Variants in SLC18B1 observed in about 807,000 individuals in gnomAD.
SLC18B1 encodes MFS-type transporter SLC18B1.
In SLC18B1, 62 loss-of-function variants were observed where a neutral mutation model predicts 53.9. The ratio of observed to expected loss-of-function variants is 1.15; its 90% confidence interval spans 0.94 to 1.42. SLC18B1 has a LOEUF of 1.42. Ranked by LOEUF, SLC18B1 falls within the 40% of genes most tolerant of loss-of-function variation. SLC18B1 has a pLI of 0.00. For synonymous variants in SLC18B1, 217 were observed against 200.9 expected (o/e 1.08, Z -0.68); for missense variants, 598 against 547.3 (o/e 1.09, Z -0.93).
At chr6:132,792,260 A>AG (rs1246895581) in intron 2 of SLC18B1, among the ~76,000 whole-genome samples, 35 of 39,166 alleles carry the variant, frequency 8.9e-4, no homozygotes, top group Non-Finnish European at 1.3e-3. Flanking sequence ...AGAAAGAAAG[A>AG]AAGAAAGAAA....
At chr6:132,782,106 T>C (rs1243084684) in intron 6 of SLC18B1, among the ~76,000 whole-genome samples, 1 of 151,374 alleles carries the variant, frequency 6.6e-6, no homozygotes, top group East Asian at 1.9e-4. Flanking sequence ...GAGAATTGCT[T>C]GATCCTGGGA....
chr6:132,782,926 C>T (rs939508819), intron 6 of SLC18B1, among the ~76,000 whole-genome samples: 2 of 151,786 alleles, frequency 1.3e-5, no homozygotes, highest in Admixed American at 1.3e-4. Flanking sequence ...AGGTACATAC[C>T]ACCATGCCTG....
intron 2 of SLC18B1, among the ~76,000 whole-genome samples, chr6:132,795,169 GA>G (rs11303053): frequency 0.19 from 27,151 of 144,226 alleles, 3,171 homozygotes; most frequent in African/African-American, 0.35. Context: ...TTTAAAAAAA[GA>G]AAAAAAAAAA....
intron 1 of SLC18B1, among the ~76,000 whole-genome samples, chr6:132,798,092 A>AT (rs1323262779): frequency 6.6e-6 from 1 of 152,266 alleles, no homozygotes; most frequent in East Asian, 1.9e-4. Context: ...AGTTAAAAAG[A>AT]AAGGCAACAA....
chr6:132,775,568 T>C (rs1245316731), intron 8 of SLC18B1, among the ~76,000 whole-genome samples: 1 of 152,194 alleles, frequency 6.6e-6, no homozygotes, highest in Non-Finnish European at 1.5e-5. Flanking sequence ...TCAAGGGAAA[T>C]GCAAAATATA....
In SLC18B1 at chr6:132,797,049, G is replaced by C. The variant is rs1427617833; in HGVS notation, c.116C>G (p.Ser39Trp). ...LSREQVFVLI[S>W]AASVNLGSMM... ...GGAACCTAAGTTCACCGAAGCTGCC[G>C]ATATCAGTACAAAAACCTGTTCTCT... Residue 39 changes from serine (S) to tryptophan (W), a missense_variant, in exon 2 of 14, where the codon TCG (serine) becomes TGG (tryptophan). Transcript: ENST00000275227. 1.9e-6 allele frequency: 3 copies of C among 1,613,998 alleles called. No homozygotes were observed. The highest frequency in any genetic ancestry group is 2.5e-6 in the Non-Finnish European group (3 of 1,180,020).
intron 5 of SLC18B1, among the ~76,000 whole-genome samples, chr6:132,785,923 A>G (rs994734310): frequency 1.3e-3 from 194 of 151,468 alleles, no homozygotes; most frequent in African/African-American, 4.6e-3. Context: ...AAAAGAAAGA[A>G]AAAAAGAAAA....
rs763126727 is a variant in SLC18B1 at position 132,772,123 on chromosome 6, A to T, written c.1160+9T>A. 1 of 1,544,774 alleles carries T rather than the reference A, an allele frequency of 6.5e-7. No homozygotes were observed. Among genetic ancestry groups the T allele is most frequent in the Admixed American group, 2.1e-5 (1 of 46,946 alleles). ...AAAAAAAAAAGAAAGAAATTAAATG[A>T]CTACTCACCCAATTGACCACATTGC... On this transcript the variant is annotated intron_variant, in intron 11 of 13. Coordinates refer to ENST00000275227, the MANE Select transcript of SLC18B1 (RefSeq NM_052831.3).
At chr6:132,787,030 G>A (rs1781395764) in intron 5 of SLC18B1, among the ~76,000 whole-genome samples, 1 of 152,152 alleles carries the variant, frequency 6.6e-6, no homozygotes, top group South Asian at 2.1e-4. Context: ...AGTGGAAGAA[G>A]GCCTTTAGTA....
intron 2 of SLC18B1, among the ~76,000 whole-genome samples, chr6:132,792,335 G>T (rs1444694771): frequency 8.4e-6 from 1 of 118,568 alleles, no homozygotes; most frequent in Non-Finnish European, 1.7e-5. Flanking sequence ...AAGGAAGGAA[G>T]GAAGGAAGGA....
At chr6:132,792,225 C>CAGAAAGAAAGGAAGAAAGAA (rs1781541941) in intron 2 of SLC18B1, among the ~76,000 whole-genome samples, 1 of 44,582 alleles carries the variant, frequency 2.2e-5, no homozygotes, top group South Asian at 9.5e-4. Context: ...AAGACACTGT[C>CAGAAAGAAAGGAAGAAAGAA]AGAAAGAAAG....
chr6:132,792,094 G>T (rs965780098), intron 2 of SLC18B1, among the ~76,000 whole-genome samples: 1 of 151,282 alleles, frequency 6.6e-6, no homozygotes, highest in African/African-American at 2.4e-5. Flanking sequence ...CAGGTGTGGT[G>T]GCACGTGCCT....
chr6:132,772,370 T>C (rs541247790), intron 10 of SLC18B1, among the ~76,000 whole-genome samples, 164 bp from the exon 11 acceptor site: 1 of 152,276 alleles, frequency 6.6e-6, no homozygotes, highest in African/African-American at 2.4e-5. Flanking sequence ...TTTAAAAGAA[T>C]TTTCATAGTT....
intron 6 of SLC18B1, among the ~76,000 whole-genome samples, chr6:132,783,242 T>C (rs1781281266): frequency 6.6e-6 from 1 of 152,036 alleles, no homozygotes; most frequent in Non-Finnish European, 1.5e-5. Context: ...AATGGTGCGA[T>C]CTCAGCTCAC....
At chr6:132,778,254 A>G (rs181925453) in intron 7 of SLC18B1, among the ~76,000 whole-genome samples, 1 of 152,282 alleles carries the variant, frequency 6.6e-6, no homozygotes, top group East Asian at 1.9e-4. Flanking sequence ...ATCTGGATGT[A>G]TACGTGCAGG....
rs200459207 is a variant in SLC18B1 at position 132,770,938 on chromosome 6, C to T, written c.1256G>A (p.Gly419Glu). 1.9e-6 allele frequency: 3 copies of T among 1,612,510 alleles called. No homozygotes were observed. Among genetic ancestry groups the T allele is most frequent in the African/African-American group, 2.7e-5 (2 of 74,730 alleles). Residue 419 changes from glycine to glutamate, a missense_variant and splice_region_variant, in exon 13 of 14, where the codon GGA becomes GAA. Transcript: ENST00000275227. ...TAGATAAAACAAGCCCATGGCTAAT[C>T]CCTTAAACACAATTAAAAGTACTGA... ...AIQGLWALIS[G>E]LAMGLFYLLE...
At chr6:132,793,261 CTAA>C (rs1314655282) in intron 2 of SLC18B1, among the ~76,000 whole-genome samples, 3 of 152,160 alleles carry the variant, frequency 2.0e-5, no homozygotes, top group African/African-American at 7.2e-5. Flanking sequence ...GTTAGCTTAG[CTAA>C]TAAGAAAAAT....
chr6:132,795,674 A>G (rs755808116), intron 2 of SLC18B1, among the ~76,000 whole-genome samples: 17 of 152,238 alleles, frequency 1.1e-4, no homozygotes, highest in Non-Finnish European at 1.8e-4. Context: ...AAAATAAAAC[A>G]CATGGATATG....
At chr6:132,790,567 C>T (rs7770641) in intron 2 of SLC18B1, among the ~76,000 whole-genome samples, 7,179 of 152,062 alleles carry the variant, frequency 0.047, 581 homozygotes, top group African/African-American at 0.16. Flanking sequence ...AAAAAAAATG[C>T]CTTGGATAAG....
Sources: allele counts gnomAD v4.1 joint callset (sites outside exome capture counted in the v4.1 genomes callset), GRCh38; gene constraint gnomAD v4.1.1; transcripts MANE v1.5; gene names NCBI Gene and HGNC (gene_info 2026-07-23, HGNC 2026-07-21).